The following SMG6 variants were observed in gnomAD, a reference collection of about 807,000 sequenced individuals.
SMG6 encodes the protein SMG6 nonsense mediated mRNA decay factor.
SMG6 carries 66 observed loss-of-function variants against 142.2 expected under a neutral mutation model. The observed-to-expected ratio is 0.46, with a 90% confidence interval of 0.38 to 0.57. The LOEUF is 0.57. SMG6 is among the 20% of genes least tolerant of loss of function. The pLI is 0.00. For missense variants in SMG6, 1,793 were observed against 1,832.0 expected, an observed-to-expected ratio of 0.98 and a Z score of 0.39; for synonymous variants, 779 against 702.4, an observed-to-expected ratio of 1.11 and a Z score of -1.72.
Position 2,188,724 on chromosome 17 carries a change from T to C in SMG6, c.2870-209A>G, listed in dbSNP as rs572406237. Among the ~76,000 whole-genome samples the C allele has an allele frequency of 1.4e-3, 219 of 152,230 alleles. 2 individuals are homozygous for C. The highest frequency in any genetic ancestry group is 5.2e-3 in the African/African-American group (215 of 41,528). On this transcript the variant is annotated intron_variant, in intron 10 of 18. Coordinates refer to ENST00000263073, the MANE Select transcript of SMG6 (RefSeq NM_017575.5). ...TATGTGTTTGATAAGATGATAAGGG[T>C]CACCTCTGTCAATTCTACATCACTT...
intron 13 of SMG6, chr17:2,087,841 A>G: frequency 2.0e-6 from 2 of 985,622 alleles, no homozygotes; most frequent in Non-Finnish European, 2.4e-6. Context: ...GCATTTCCAC[A>G]AGACTGCCAG....
chr17:2,135,179 C>T (rs1238031795), intron 13 of SMG6, among the ~76,000 whole-genome samples: 2 of 152,158 alleles, frequency 1.3e-5, no homozygotes, highest in African/African-American at 4.8e-5. Context: ...TGCACCCAGC[C>T]TAATAGTTTT....
At chr17:2,080,581 T>C (rs993892031) in intron 15 of SMG6, among the ~76,000 whole-genome samples, 1 of 152,194 alleles carries the variant, frequency 6.6e-6, no homozygotes, top group African/African-American at 2.4e-5. Flanking sequence ...ATACACTGTC[T>C]CGTGTAGGCC....
At chr17:2,290,911 C>T (rs1035999707) in intron 6 of SMG6, among the ~76,000 whole-genome samples, 1 of 152,136 alleles carries the variant, frequency 6.6e-6, no homozygotes, top group Non-Finnish European at 1.5e-5. Context: ...TATATGATCC[C>T]ATTTATGTGA....
intron 10 of SMG6, among the ~76,000 whole-genome samples, chr17:2,198,410 T>A (rs2072400621): frequency 6.6e-6 from 1 of 152,152 alleles, no homozygotes; most frequent in Non-Finnish European, 1.5e-5. Context: ...AAGTTCTGCA[T>A]CTTGATTATA....
intron 7 of SMG6, 43 bp downstream of exon 7, chr17:2,283,582 G>A: frequency 1.4e-6 from 2 of 1,469,098 alleles, no homozygotes; most frequent in Non-Finnish European, 1.9e-6. Context: ...TCAGGGAAAT[G>A]CACTATTCGA....
At position 2,247,525 on chromosome 17, in the gene SMG6, C is replaced by T. The variant is rs187667630; in HGVS notation, c.2662-2806G>A. On this transcript the variant is annotated intron_variant, in intron 8 of 18. Transcript: ENST00000263073. ...TTGTACAGCCGGGTGCAGTGGTTCA[C>T]GCCTGTAATCCTAGGACTTTGGGAA... Among the ~76,000 whole-genome samples, 8 of 152,314 alleles carry T rather than the reference C, an allele frequency of 5.3e-5. No homozygotes were observed. In the East Asian group the frequency reaches 1.3e-3, roughly 26 times the overall value.
intron 15 of SMG6, among the ~76,000 whole-genome samples, chr17:2,081,300 C>T (rs1464634952): frequency 6.6e-6 from 1 of 152,144 alleles, no homozygotes; most frequent in Non-Finnish European, 1.5e-5. Flanking sequence ...TGATGGGGGT[C>T]AAAGTCCCTG....
At chr17:2,193,712 T>A (rs189589235) in intron 10 of SMG6, among the ~76,000 whole-genome samples, 6 of 152,158 alleles carry the variant, frequency 3.9e-5, no homozygotes, top group Non-Finnish European at 7.4e-5. Flanking sequence ...CCTACTCAAG[T>A]AACTATAATT....
At chr17:2,292,677 T>C (rs2075064351) in intron 5 of SMG6, 47 bp from the exon 6 acceptor site, 1 of 1,604,284 alleles carries the variant, frequency 6.2e-7, no homozygotes, top group African/African-American at 1.3e-5. Flanking sequence ...AGATTAGCTT[T>C]TTCCCAATTC....
intron 10 of SMG6, among the ~76,000 whole-genome samples, chr17:2,206,110 G>A (rs1260210376): frequency 6.6e-6 from 1 of 152,040 alleles, no homozygotes; most frequent in Admixed American, 6.6e-5. Flanking sequence ...CACCCAGCCT[G>A]AAAATATTTT....
At chr17:2,128,241 C>G (rs986859444) in intron 13 of SMG6, among the ~76,000 whole-genome samples, 10 of 152,218 alleles carry the variant, frequency 6.6e-5, no homozygotes, top group Middle Eastern at 3.2e-3. Flanking sequence ...AGGCTGCCGG[C>G]ACGGAGCAGC....
At chr17:2,282,597 C>T (rs2074813011) in intron 8 of SMG6, 50 bp downstream of exon 8, 1 of 1,588,978 alleles carries the variant, frequency 6.3e-7, no homozygotes. Context: ...ACCAGGGCAC[C>T]CAGGCTTACT....
chr17:2,295,640 C>G (rs535672496), intron 4 of SMG6, among the ~76,000 whole-genome samples: 5 of 152,174 alleles, frequency 3.3e-5, no homozygotes, highest in Admixed American at 3.3e-4. Context: ...AAATGTAACC[C>G]CCGTTTCTGG....
intron 15 of SMG6, among the ~76,000 whole-genome samples, chr17:2,077,555 G>C (rs1274943460): frequency 6.6e-6 from 1 of 152,236 alleles, no homozygotes; most frequent in African/African-American, 2.4e-5. Flanking sequence ...TGGAAAGGAA[G>C]GTGGGTGTCA....
intron 10 of SMG6, among the ~76,000 whole-genome samples, chr17:2,212,172 A>C (rs374390294): frequency 1.4e-4 from 21 of 152,362 alleles, no homozygotes; most frequent in African/African-American, 4.8e-4. Flanking sequence ...GGAAGTGTAT[A>C]ACTGTTTCCT....
chr17:2,286,923 A>ATTTT (rs59503723), intron 6 of SMG6, among the ~76,000 whole-genome samples: 4 of 111,442 alleles, frequency 3.6e-5, no homozygotes, highest in Non-Finnish European at 5.3e-5. Flanking sequence ...ACATAAAATA[A>ATTTT]TTTTTTTTTT....
intron 12 of SMG6, among the ~76,000 whole-genome samples, chr17:2,186,426 G>A (rs1277424522): frequency 6.6e-6 from 1 of 152,170 alleles, no homozygotes; most frequent in Admixed American, 6.5e-5. Flanking sequence ...ATAACAAAAT[G>A]GAGAGTGAGA....
chr17:2,236,395 G>C, intron 10 of SMG6, 97 bp downstream of exon 10: 3 of 1,255,868 alleles, frequency 2.4e-6, no homozygotes, highest in Admixed American at 2.0e-5. Flanking sequence ...GGGTGGGGTG[G>C]GGGGAGGTAG....
Sources: gnomAD v4.1 joint callset for allele counts (sites outside exome capture counted in the v4.1 genomes callset) on GRCh38, gnomAD v4.1.1 for gene constraint, MANE v1.5 for transcripts, NCBI Gene and HGNC (gene_info 2026-07-23, HGNC 2026-07-21) for gene names.